ZMIZ1: variants seen among roughly 807,000 people sequenced by gnomAD.
ZMIZ1 encodes the protein zinc finger MIZ-type containing 1.
Under a neutral mutation model 113.9 loss-of-function variants are expected in ZMIZ1, and 17 were observed. The ratio of observed to expected loss-of-function variants is 0.15; its 90% CI spans 0.10 to 0.22. ZMIZ1 has a LOEUF of 0.22. Ranked by LOEUF, ZMIZ1 falls within the 10% of genes least tolerant of loss-of-function variation. The pLI is 1.00. For synonymous variants in ZMIZ1, 607 were observed against 603.1 expected (o/e 1.01, Z -0.09); for missense variants, 1,059 against 1,477.8 (o/e 0.72, Z 4.65).
At chr10:79,201,799 CACCT>C in intron 5 of ZMIZ1, 107 bp downstream of exon 5, 1 of 1,227,944 alleles carries the variant, frequency 8.1e-7, no homozygotes, top group Non-Finnish European at 1.2e-6. Flanking sequence ...GCCTCCTGAC[CACCT>C]ACCTATCGAG....
chr10:79,230,730 C>T (rs1849362897), intron 7 of ZMIZ1, among the ~76,000 whole-genome samples: 1 of 152,204 alleles, frequency 6.6e-6, no homozygotes, highest in South Asian at 2.1e-4. Context: ...GGAGGTGGTG[C>T]CTGTGCTTGA....
intron 1 of ZMIZ1, among the ~76,000 whole-genome samples, chr10:79,113,836 G>A (rs1589286260): frequency 6.6e-6 from 1 of 151,956 alleles, no homozygotes; most frequent in Admixed American, 6.6e-5. Flanking sequence ...GTATATTCAC[G>A]TTTGGAGCCC....
rs1205908279 is a variant in ZMIZ1 at position 79,296,624 on chromosome 10, C to T, written c.1384C>T (p.Pro462Ser). The change falls in exon 13 of 25, where the codon CCC (proline) becomes TCC (serine). Residue 462 changes from proline to serine, a missense_variant. Pro to Ser is a moderately conservative substitution (Grantham distance 74). This residue lies in a region of ZMIZ1 where 239 missense variants were observed against 247.5 expected (regional missense o/e 0.97). Transcript: ENST00000334512. The surrounding 1 kb of genome is among the most constrained non-coding windows in gnomAD (Gnocchi z 4.1). ...GCCGAGCTCCGGGCAGTACCCGCCC[C>T]CCACGGTCAACATGGGGCAGTATTA... Reference protein sequence around the residue: ...SQPSSGQYPPPTVNMGQYYKP... With the variant: ...SQPSSGQYPPSTVNMGQYYKP... 6.3e-7 allele frequency: 1 copy of T among 1,589,724 alleles called. No individual in the cohort carries two copies. Among genetic ancestry groups the T allele is most frequent in the Admixed American group, 1.7e-5 (1 of 57,460 alleles).
At chr10:79,230,563 A>AG (rs1389261413) in intron 7 of ZMIZ1, among the ~76,000 whole-genome samples, 1 of 152,156 alleles carries the variant, frequency 6.6e-6, no homozygotes, top group Non-Finnish European at 1.5e-5. Flanking sequence ...CCGGGAGTCG[A>AG]GGGGCCCGCC....
intron 9 of ZMIZ1, chr10:79,290,745 G>A (rs1853433039): frequency 2.8e-6 from 2 of 703,600 alleles, no homozygotes; most frequent in South Asian, 1.5e-5. Flanking sequence ...CCATCACAAG[G>A]CTGACGTTCT....
At chr10:79,210,640 G>A (rs1848492554) in intron 6 of ZMIZ1, among the ~76,000 whole-genome samples, 1 of 152,250 alleles carries the variant, frequency 6.6e-6, no homozygotes, top group Non-Finnish European at 1.5e-5. Context: ...GAAGGCTCAG[G>A]TGGCTGGAGC....
At chr10:79,136,279 G>T (rs925013767) in intron 2 of ZMIZ1, among the ~76,000 whole-genome samples, 1 of 152,198 alleles carries the variant, frequency 6.6e-6, no homozygotes, top group Non-Finnish European at 1.5e-5. Context: ...ACCCTCCAGG[G>T]TCTCCTTGGG....
chr10:79,242,199 C>T (rs1442859879), intron 7 of ZMIZ1, among the ~76,000 whole-genome samples: 1 of 152,104 alleles, frequency 6.6e-6, no homozygotes, highest in Non-Finnish European at 1.5e-5. Flanking sequence ...CGCTGAAAGC[C>T]CGGAGCCCTT....
chr10:79,279,059 G>T (rs1295332918), intron 8 of ZMIZ1, among the ~76,000 whole-genome samples: 2 of 138,884 alleles, frequency 1.4e-5, no homozygotes, highest in Non-Finnish European at 3.3e-5. Flanking sequence ...GCGGCCGGGC[G>T]GGGGCTGCCC....
rs1010497584 is a variant in ZMIZ1, at chr10:79,302,222, G to C, written c.2125+10G>C. 5.6e-6 allele frequency: 9 copies of C among 1,611,568 alleles called. No individual in the cohort carries two copies. The African/African-American group carries it at 1.2e-4, about 22-fold the overall frequency. ...CACTGTATCACGAAAAGTGAGTCAGGGTGGGGACGGGGGTGAGGGCCAGAC... is the reference window on the plus strand; with the variant it reads ...CACTGTATCACGAAAAGTGAGTCAGCGTGGGGACGGGGGTGAGGGCCAGAC... On this transcript the variant is annotated intron_variant, in intron 18 of 24. Transcript: ENST00000334512.
intron 7 of ZMIZ1, among the ~76,000 whole-genome samples, chr10:79,267,321 A>G (rs1851667774): frequency 6.6e-6 from 1 of 152,192 alleles, no homozygotes; most frequent in South Asian, 2.1e-4. Flanking sequence ...TTTCTTGGAG[A>G]TGGGTGAAAG....
intron 2 of ZMIZ1, among the ~76,000 whole-genome samples, chr10:79,139,127 C>A (rs536604292): frequency 3.9e-5 from 6 of 152,282 alleles, no homozygotes; most frequent in African/African-American, 1.2e-4. Context: ...GCTGGTTTTC[C>A]CGAGGTGCGT....
intron 1 of ZMIZ1, among the ~76,000 whole-genome samples, chr10:79,070,661 G>C (rs1398737992): frequency 6.6e-6 from 1 of 151,984 alleles, no homozygotes; most frequent in Non-Finnish European, 1.5e-5. Context: ...GCAGGTCACA[G>C]AGCGAGGGCC....
chr10:79,077,456 TGTCTCACTAAGAGTGGGGG>T (rs1564637000), intron 1 of ZMIZ1, among the ~76,000 whole-genome samples: 1 of 140,350 alleles, frequency 7.1e-6, no homozygotes, highest in Admixed American at 7.2e-5. Flanking sequence ...TACAGTGGGG[TGTCTCACTAAGAGTGGGGG>T]GTTCTGTGGT....
chr10:79,073,438 C>G (rs2132154390), intron 1 of ZMIZ1, among the ~76,000 whole-genome samples: 1 of 152,336 alleles, frequency 6.6e-6, no homozygotes, highest in African/African-American at 2.4e-5. Flanking sequence ...ATGCCCCCCA[C>G]AGGACAGGGT....
At chr10:79,232,683 C>A (rs1849437699) in intron 7 of ZMIZ1, among the ~76,000 whole-genome samples, 1 of 152,136 alleles carries the variant, frequency 6.6e-6, no homozygotes, top group Admixed American at 6.5e-5. Context: ...ACTACTACTG[C>A]CAATCAGTTA....
chr10:79,215,069 A>G (rs1186210324), intron 6 of ZMIZ1, among the ~76,000 whole-genome samples: 1 of 152,162 alleles, frequency 6.6e-6, no homozygotes, highest in Non-Finnish European at 1.5e-5. Context: ...TGGGACCTTC[A>G]GGCTCCAAAC....
intron 7 of ZMIZ1, among the ~76,000 whole-genome samples, chr10:79,269,849 G>A (rs80234112): frequency 0.011 from 1,627 of 152,290 alleles, 29 homozygotes; most frequent in African/African-American, 0.037. Flanking sequence ...GCAGCCTGGC[G>A]AGGAAGCCTT....
intron 1 of ZMIZ1, among the ~76,000 whole-genome samples, chr10:79,098,507 A>G (rs1843247794): frequency 1.3e-5 from 2 of 152,246 alleles, no homozygotes; most frequent in Admixed American, 6.5e-5. Context: ...TCTAGCGAGC[A>G]TAAATGAATT....
Sources: allele counts gnomAD v4.1 joint callset (sites outside exome capture counted in the v4.1 genomes callset), GRCh38; gene constraint gnomAD v4.1.1; regional missense constraint gnomAD v4.1.1; non-coding constraint Gnocchi (gnomAD v3.1); transcripts MANE v1.5; gene names NCBI Gene and HGNC (gene_info 2026-07-23, HGNC 2026-07-21).